Variants in CHN1 observed in about 807,000 individuals in gnomAD.
The protein encoded by CHN1 is N-chimaerin.
CHN1 carries 37 observed loss-of-function variants against 59.5 expected under a neutral mutation model. The ratio of observed to expected loss-of-function variants is 0.62; its 90% CI spans 0.48 to 0.82. CHN1 has a LOEUF of 0.82. Among genes scored for constraint, CHN1 ranks in the 40% least tolerant of loss-of-function variants. The pLI, the probability that CHN1 is intolerant of heterozygous loss-of-function variation, is 0.00. For missense variants in CHN1, 469 were observed against 571.0 expected (o/e 0.82, Z 1.82); for synonymous variants, 206 against 200.4 (o/e 1.03, Z -0.24).
chr2:174,951,766 T>C (rs1690031069), intron 2 of CHN1, among the ~76,000 whole-genome samples: 1 of 152,172 alleles, frequency 6.6e-6, no homozygotes, highest in South Asian at 2.1e-4. Flanking sequence ...TTTTCACTTA[T>C]TCTTTCTATC....
At chr2:174,985,148 TA>T (rs2105454713) in intron 1 of CHN1, among the ~76,000 whole-genome samples, 2 of 152,328 alleles carry the variant, frequency 1.3e-5, no homozygotes, top group East Asian at 3.9e-4. Flanking sequence ...TTTTAGTTGA[TA>T]CACTTTAATG....
chr2:174,993,200 C>G lies in CHN1; in HGVS notation c.19+11694G>C, dbSNP rs563716507. Among the ~76,000 whole-genome samples the G allele has an allele frequency of 5.9e-5, 9 of 151,656 alleles. No homozygotes were observed. The South Asian group carries it at 1.7e-3, about 28-fold the overall frequency. ...TATGTCAGTTTAGCAATAATTCCCC[C>G]ACCCTTGATGTCTCCTCTTAGTAAC... On this transcript the variant is annotated intron_variant, in intron 1 of 12. Transcript: ENST00000409900.
intron 5 of CHN1, among the ~76,000 whole-genome samples, chr2:174,911,273 CTTAAA>C (rs1212478571): frequency 6.6e-6 from 1 of 152,166 alleles, no homozygotes; most frequent in Non-Finnish European, 1.5e-5. Flanking sequence ...AATCAAACCT[CTTAAA>C]TTATTTTAGG....
At chr2:174,934,008 C>G (rs767029565) in intron 3 of CHN1, among the ~76,000 whole-genome samples, 6 of 152,112 alleles carry the variant, frequency 3.9e-5, no homozygotes, top group Admixed American at 1.3e-4. Context: ...GGTATCAGAA[C>G]AGTGGTCCCC....
At chr2:174,998,929 T>G (rs1325047079) in intron 1 of CHN1, among the ~76,000 whole-genome samples, 1 of 152,178 alleles carries the variant, frequency 6.6e-6, no homozygotes, top group Non-Finnish European at 1.5e-5. Flanking sequence ...CTGACATAAA[T>G]TCCCATACCA....
chr2:174,977,399 A>T (rs1690982629), intron 1 of CHN1, among the ~76,000 whole-genome samples: 1 of 152,194 alleles, frequency 6.6e-6, no homozygotes, highest in Non-Finnish European at 1.5e-5. Flanking sequence ...TCCTCTGTCA[A>T]AGAATTGCTG....
chr2:174,879,572 T>C (rs1687671999), intron 5 of CHN1, among the ~76,000 whole-genome samples: 1 of 152,218 alleles, frequency 6.6e-6, no homozygotes, highest in East Asian at 1.9e-4. Flanking sequence ...ATTAGACAGG[T>C]GAAATTTCTA....
intron 7 of CHN1, among the ~76,000 whole-genome samples, chr2:174,834,085 C>T (rs972324053): frequency 7.2e-5 from 11 of 152,170 alleles, no homozygotes; most frequent in Non-Finnish European, 1.5e-4. Flanking sequence ...GAATTACAGG[C>T]GTGAGCCACC....
At chr2:174,891,436 G>A (rs1688046326) in intron 5 of CHN1, among the ~76,000 whole-genome samples, 2 of 151,576 alleles carry the variant, frequency 1.3e-5, no homozygotes, top group South Asian at 4.2e-4. Context: ...TGGGCTTGGT[G>A]GTGGGCACTT....
intron 2 of CHN1, among the ~76,000 whole-genome samples, 193 bp downstream of exon 2, chr2:174,951,971 G>A (rs1690036310): frequency 6.6e-6 from 1 of 152,132 alleles, no homozygotes; most frequent in South Asian, 2.1e-4. Flanking sequence ...ATTCCAGACG[G>A]AAAACCATAT....
At chr2:174,830,692 C>T (rs1380537983) in intron 7 of CHN1, among the ~76,000 whole-genome samples, 1 of 152,096 alleles carries the variant, frequency 6.6e-6, no homozygotes, top group African/African-American at 2.4e-5. Context: ...AGGCTAAGTA[C>T]CTGGAATAGA....
chr2:174,943,041 C>A (rs761785936), intron 3 of CHN1, among the ~76,000 whole-genome samples: 12 of 150,888 alleles, frequency 8.0e-5, no homozygotes, highest in Non-Finnish European at 1.5e-4. Flanking sequence ...TAAAGCAAGA[C>A]TCTATCTAAA....
chr2:174,988,634 TATA>T (rs1691434089), intron 1 of CHN1, among the ~76,000 whole-genome samples: 2 of 152,212 alleles, frequency 1.3e-5, no homozygotes. Flanking sequence ...TGAATCTTCT[TATA>T]ATATGGCAGT....
chr2:174,814,858 A>C (rs567005292), intron 8 of CHN1, among the ~76,000 whole-genome samples: 13 of 152,368 alleles, frequency 8.5e-5, no homozygotes, highest in African/African-American at 2.4e-4. Flanking sequence ...TTCCATATCT[A>C]CACTGTTCTT....
intron 1 of CHN1, among the ~76,000 whole-genome samples, chr2:175,001,884 A>G (rs980940822): frequency 1.3e-5 from 2 of 152,234 alleles, no homozygotes; most frequent in African/African-American, 4.8e-5. Context: ...ACAAATTCCC[A>G]TATTCAAGGA....
chr2:174,846,839 T>A, intron 7 of CHN1, 41 bp downstream of exon 7: 2 of 1,443,524 alleles, frequency 1.4e-6, no homozygotes, highest in South Asian at 2.6e-5. Flanking sequence ...ATATTTCAAG[T>A]AATATGCATT....
intron 11 of CHN1, among the ~76,000 whole-genome samples, chr2:174,802,621 A>C (rs1477880563): frequency 6.6e-6 from 1 of 152,226 alleles, no homozygotes; most frequent in Non-Finnish European, 1.5e-5. Context: ...ATCAGACTGC[A>C]TTCAATTCAT....
At chr2:174,915,240 C>CCCA (rs1445531674) in intron 4 of CHN1, 69 bp from the exon 5 acceptor site, 2 of 1,081,672 alleles carry the variant, frequency 1.8e-6, no homozygotes, top group Non-Finnish European at 2.8e-6. Flanking sequence ...AAAACAACGT[C>CCCA]CCACCACCAC....
chr2:174,861,125 A>G (rs1687054993), intron 6 of CHN1, among the ~76,000 whole-genome samples: 1 of 152,314 alleles, frequency 6.6e-6, no homozygotes, highest in East Asian at 1.9e-4. Context: ...ACTAGCTGTA[A>G]AAGAATCTTA....
Sources: gnomAD v4.1 joint callset for allele counts (sites outside exome capture counted in the v4.1 genomes callset) on GRCh38, gnomAD v4.1.1 for gene constraint, MANE v1.5 for transcripts, NCBI Gene and HGNC (gene_info 2026-07-23, HGNC 2026-07-21) for gene names.